Variants in SLC30A8 observed in about 807,000 individuals in gnomAD.
SLC30A8 encodes proton-coupled zinc antiporter SLC30A8.
Under a neutral mutation model 36.9 loss-of-function variants are expected in SLC30A8, and 27 were observed. That is an observed-to-expected ratio of 0.73 (90% CI 0.54 to 1.01). The LOEUF is 1.01. Among genes scored for constraint, SLC30A8 ranks in the 50% least tolerant of loss-of-function variants. SLC30A8 has a pLI of 0.00. For missense variants in SLC30A8, 439 were observed against 452.0 expected, an observed-to-expected ratio of 0.97 and a Z score of 0.26; for synonymous variants, 164 against 172.4, an observed-to-expected ratio of 0.95 and a Z score of 0.38.
chr8:117,017,453 TC>T (rs1456550708), intron 1 of SLC30A8, among the ~76,000 whole-genome samples: 3 of 152,188 alleles, frequency 2.0e-5, no homozygotes, highest in Non-Finnish European at 4.4e-5. Context: ...TGTAGTGCTT[TC>T]TCTCAGTCAA....
At chr8:117,015,538 C>G (rs1315116589) in intron 1 of SLC30A8, among the ~76,000 whole-genome samples, 2 of 18,262 alleles carry the variant, frequency 1.1e-4, no homozygotes, top group Non-Finnish European at 1.8e-4. Flanking sequence ...TATTATGCAC[C>G]CCCCCCCCCC....
At chr8:117,015,546 C>T (rs967007796) in intron 1 of SLC30A8, among the ~76,000 whole-genome samples, 3 of 151,524 alleles carry the variant, frequency 2.0e-5, no homozygotes, top group Non-Finnish European at 4.4e-5. Flanking sequence ...ACCCCCCCCC[C>T]CCAAAAAAAA....
intron 2 of SLC30A8, among the ~76,000 whole-genome samples, chr8:117,097,410 A>T (rs1563593751): frequency 2.5e-4 from 31 of 122,716 alleles, no homozygotes; most frequent in African/African-American, 9.3e-4. Context: ...AAAAAAAAAA[A>T]AAAAAAAAAT....
chr8:116,997,551 A>C (rs1815863077), intron 1 of SLC30A8, among the ~76,000 whole-genome samples: 1 of 152,082 alleles, frequency 6.6e-6, no homozygotes, highest in African/African-American at 2.4e-5. Flanking sequence ...TTGAATGTAG[A>C]TCAAAACAGG....
At chr8:117,084,732 G>A (rs1333402001) in intron 2 of SLC30A8, among the ~76,000 whole-genome samples, 1 of 152,126 alleles carries the variant, frequency 6.6e-6, no homozygotes, top group African/African-American at 2.4e-5. Flanking sequence ...TATAATTCCA[G>A]TACAGTCTCT....
In SLC30A8 at chr8:117,086,802, A is replaced by G. The variant is rs117236601; in HGVS notation, c.-226+47544A>G. The stretch of plus-strand genomic sequence containing the variant: ...ACTAGGCTTAAAGTCAAGTGGCTGG[A>G]AAGTACACTCTACTCATCCTGATGG... On this transcript the variant is annotated intron_variant, in intron 2 of 10. Coordinates refer to the SLC30A8 transcript ENST00000427715. Among the ~76,000 whole-genome samples, 429 of 152,360 alleles carry G rather than the reference A, an allele frequency of 2.8e-3. 10 individuals carry two copies. In the East Asian group the frequency reaches 0.058, roughly 21 times the overall value.
rs191204725 is a variant in SLC30A8 at position 117,152,381 on chromosome 8, C to T, written c.272-563C>T. On this transcript the variant is annotated intron_variant, in intron 2 of 7. Coordinates refer to ENST00000456015, the MANE Select transcript of SLC30A8 (RefSeq NM_173851.3). ...CTTTATTGGATTGTAGCACTGAGGA[C>T]GCCCATTGGAAGGTACCTGCCCTTT... Among the ~76,000 whole-genome samples the T allele has an allele frequency of 5.3e-5, 8 of 152,208 alleles. No homozygotes were observed. In the East Asian group the frequency reaches 5.8e-4, roughly 11 times the overall value.
At chr8:117,031,893 G>T (rs114225163) in intron 1 of SLC30A8, among the ~76,000 whole-genome samples, 1,543 of 152,292 alleles carry the variant, frequency 0.01, 23 homozygotes, top group African/African-American at 0.034. Flanking sequence ...TGCTCTTCAA[G>T]GAGATGGTCA....
At position 117,173,028 on chromosome 8, in the gene SLC30A8, A is replaced by G; in HGVS notation, c.*347A>G. 4.8e-6 allele frequency: 1 copy of G among 209,494 alleles called. No homozygotes were observed. Among genetic ancestry groups the G allele is most frequent in the Non-Finnish European group, 9.5e-6 (1 of 104,966 alleles). 13.0% of individuals were successfully genotyped at this position (209,494 alleles called of 1,614,324 possible). A position where few individuals can be genotyped will look rare whatever the true frequency, so the allele number is the denominator to read the frequency against. On this transcript the variant is annotated 3_prime_UTR_variant, in exon 8 of 8. Transcript: ENST00000456015. ...AGAACACATAGGTAAATTTGAACTCAGGAAAGTCTTACTAGAAATCAGTGG... is the reference window on the plus strand; with the variant it reads ...AGAACACATAGGTAAATTTGAACTCGGGAAAGTCTTACTAGAAATCAGTGG...
chr8:117,135,092 T>C lies in SLC30A8; in HGVS notation c.-236T>C, dbSNP rs1800140728. On this transcript the variant is annotated 5_prime_UTR_variant, in exon 1 of 8. The change abolishes the stop of an existing upstream ORF in the 5' untranslated region. Transcript: ENST00000456015. ...ATGTAATGCTACCTGCAAGTCTCCC[T>C]AGAAAAGCAGTTTTTGTAGGTGAAA... 1 of 374,074 alleles carries C rather than the reference T, an allele frequency of 2.7e-6. No homozygotes were observed. Among genetic ancestry groups the C allele is most frequent in the African/African-American group, 2.1e-5 (1 of 48,308 alleles). 23.2% of individuals were successfully genotyped at this position (374,074 alleles called of 1,614,324 possible).
chr8:117,124,747 G>A (rs576791412), intron 2 of SLC30A8, among the ~76,000 whole-genome samples: 22 of 150,896 alleles, frequency 1.5e-4, no homozygotes, highest in African/African-American at 5.1e-4. Flanking sequence ...GCTAAACATT[G>A]AGCACATTAT....
At chr8:116,973,130 G>A (rs1322052349) in intron 1 of SLC30A8, among the ~76,000 whole-genome samples, 2 of 152,162 alleles carry the variant, frequency 1.3e-5, no homozygotes, top group African/African-American at 2.4e-5. Flanking sequence ...CCTTCTATGA[G>A]CCAGGAAATA....
At chr8:117,075,147 A>G (rs1429804263) in intron 2 of SLC30A8, among the ~76,000 whole-genome samples, 4 of 152,198 alleles carry the variant, frequency 2.6e-5, no homozygotes, top group African/African-American at 9.6e-5. Context: ...ACAACTTCCT[A>G]TAACAAAAAA....
intron 1 of SLC30A8, among the ~76,000 whole-genome samples, chr8:116,971,746 A>G (rs1055193923): frequency 8.5e-5 from 13 of 152,272 alleles, no homozygotes; most frequent in South Asian, 2.1e-4. Flanking sequence ...TTAATACTCT[A>G]TTTTGAGGAA....
rs1207581181 is a variant in SLC30A8 at position 117,173,605 on chromosome 8, C to T, written c.*924C>T. The T allele has an allele frequency of 1.3e-5, 2 of 152,202 alleles. No homozygotes were observed. The highest frequency in any genetic ancestry group is 2.4e-5 in the African/African-American group (1 of 41,466). 9.4% of individuals were successfully genotyped at this position (152,202 alleles called of 1,614,324 possible). A position where few individuals can be genotyped will look rare whatever the true frequency, so the allele number is the denominator to read the frequency against. On this transcript the variant is annotated 3_prime_UTR_variant, in exon 8 of 8. Transcript: ENST00000456015. ...TGAAACTATAAAGAGGAATCAGACG[C>T]AGCAAGTGCTTCTGTGTTCTGGTAG...
chr8:116,954,355 TTAAC>T (rs1814111897), intron 1 of SLC30A8, among the ~76,000 whole-genome samples: 2 of 151,880 alleles, frequency 1.3e-5, no homozygotes, highest in South Asian at 4.2e-4. Context: ...GTGGAAGAAA[TTAAC>T]TAAAACCAAG....
rs1340343660 is a variant in SLC30A8, at chr8:117,173,495, GA to G, written c.*816del. Reference sequence around the variant, plus strand: ...AGATAATTTAGATATTTACCTGCAAGAAGGAATAAAGCAGATGCAACCAATT... The same window carrying G: ...AGATAATTTAGATATTTACCTGCAAGAGGAATAAAGCAGATGCAACCAATT... On this transcript the variant is annotated 3_prime_UTR_variant, in exon 8 of 8. Coordinates refer to ENST00000456015, the MANE Select transcript of SLC30A8 (RefSeq NM_173851.3). 1.3e-5 allele frequency: 2 copies of G among 152,182 alleles called. No individual in the cohort carries two copies. Among genetic ancestry groups the G allele is most frequent in the Non-Finnish European group, 2.9e-5 (2 of 68,048 alleles). The allele number at this position is 152,182 out of a possible 1,614,324, so 9.4% of individuals were successfully genotyped here. A position where few individuals can be genotyped will look rare whatever the true frequency, so the allele number is the denominator to read the frequency against.
Position 117,174,527 on chromosome 8 carries a change from G to C in SLC30A8, c.*1846G>C, listed in dbSNP as rs1823572533. ...GTTCCCAACGTCTCCTGCCACATCG[G>C]GTTCTCAAAATGGAAAGAATGGTTT... is the stretch of plus-strand genomic sequence containing the variant. On this transcript the variant is annotated 3_prime_UTR_variant, in exon 8 of 8. Coordinates refer to ENST00000456015, the MANE Select transcript of SLC30A8 (RefSeq NM_173851.3). 6.6e-6 allele frequency: 1 copy of C among 152,434 alleles called. No homozygotes were observed. The highest frequency in any genetic ancestry group is 2.4e-5 in the African/African-American group (1 of 41,414). The allele number at this position is 152,434 out of a possible 1,614,324, so 9.4% of individuals were successfully genotyped here.
chr8:116,988,965 C>T (rs1815541511), intron 1 of SLC30A8, among the ~76,000 whole-genome samples: 1 of 152,162 alleles, frequency 6.6e-6, no homozygotes, highest in African/African-American at 2.4e-5. Context: ...TCCTCAAGGG[C>T]ACTAATACTA....
Sources: gnomAD v4.1 joint callset for allele counts (sites outside exome capture counted in the v4.1 genomes callset) on GRCh38, gnomAD v4.1.1 for gene constraint, MANE v1.5 for transcripts, NCBI Gene and HGNC (gene_info 2026-07-23, HGNC 2026-07-21) for gene names.